Variants in IQGAP2 observed in about 807,000 individuals in gnomAD.
IQGAP2 encodes IQ motif containing GTPase activating protein 2, also known as ras GTPase-activating-like protein IQGAP2.
In IQGAP2, 173 loss-of-function variants were observed where a neutral mutation model predicts 201.3. The ratio of observed to expected loss-of-function variants is 0.86; its 90% CI spans 0.76 to 0.98. The LOEUF (loss-of-function observed/expected upper bound fraction) is 0.98. Ranked by LOEUF, IQGAP2 falls within the 50% of genes least tolerant of loss-of-function variation. The pLI is 0.00. For missense variants in IQGAP2, 1,687 were observed against 1,864.8 expected (o/e 0.90, Z 1.76); for synonymous variants, 675 against 673.9 (o/e 1.00, Z -0.03).
At position 76,451,804 on chromosome 5, in the gene IQGAP2, G is replaced by A. The variant is rs148106713; in HGVS notation, c.47-9766G>A. 8.0e-3 allele frequency among the ~76,000 whole-genome samples: 1,212 copies of A among 152,332 alleles called. 14 individuals carry two copies. Among genetic ancestry groups the A allele is most frequent in the Non-Finnish European group, 0.013 (895 of 68,034 alleles). ...AATCTGAGCACTTTGGGAGGCCAAGGCAGGCAGATCACTTGCGGCCAGGAG... is the reference window on the plus strand; with the variant it reads ...AATCTGAGCACTTTGGGAGGCCAAGACAGGCAGATCACTTGCGGCCAGGAG... On this transcript the variant is annotated intron_variant, in intron 1 of 35. Coordinates refer to ENST00000274364, the MANE Select transcript of IQGAP2 (RefSeq NM_006633.5).
intron 1 of IQGAP2, among the ~76,000 whole-genome samples, chr5:76,450,436 C>G (rs988514306): frequency 6.6e-6 from 1 of 152,186 alleles, no homozygotes; most frequent in African/African-American, 2.4e-5. Flanking sequence ...TAAATACACA[C>G]CAACTCTATA....
intron 1 of IQGAP2, among the ~76,000 whole-genome samples, chr5:76,429,751 A>T (rs183839784): frequency 6.6e-6 from 1 of 151,516 alleles, no homozygotes; most frequent in Non-Finnish European, 1.5e-5. Flanking sequence ...ACATCAATCT[A>T]TGAAAGTCTT....
chr5:76,631,349 C>T (rs2150383688), intron 14 of IQGAP2, among the ~76,000 whole-genome samples: 1 of 152,250 alleles, frequency 6.6e-6, no homozygotes, highest in South Asian at 2.1e-4. Context: ...GACTCCGTTG[C>T]ACATATCCAC....
intron 1 of IQGAP2, among the ~76,000 whole-genome samples, chr5:76,405,180 C>G (rs551891320): frequency 4.6e-5 from 7 of 152,352 alleles, no homozygotes; most frequent in African/African-American, 1.7e-4. Flanking sequence ...GAATGTGGTA[C>G]ATGAATGCAG....
chr5:76,501,657 T>TTTTTTTTTTA (rs1554062080), intron 2 of IQGAP2, among the ~76,000 whole-genome samples: 1 of 146,860 alleles, frequency 6.8e-6, no homozygotes, highest in Non-Finnish European at 1.5e-5. Context: ...TTTTTTTTTT[T>TTTTTTTTTTA]CCTTGAGACA....
At chr5:76,527,765 T>A (rs1250541198) in intron 2 of IQGAP2, among the ~76,000 whole-genome samples, 2 of 152,156 alleles carry the variant, frequency 1.3e-5, no homozygotes, top group Non-Finnish European at 2.9e-5. Flanking sequence ...AGGGAAGAAA[T>A]GTCTTATCTG....
At chr5:76,488,104 G>T (rs1756283649) in intron 2 of IQGAP2, among the ~76,000 whole-genome samples, 2 of 152,226 alleles carry the variant, frequency 1.3e-5, no homozygotes, top group Admixed American at 1.3e-4. Context: ...TCATAGGACT[G>T]CTGTGAGCAC....
chr5:76,409,473 C>T (rs1365967473), intron 1 of IQGAP2, among the ~76,000 whole-genome samples: 1 of 152,024 alleles, frequency 6.6e-6, no homozygotes, highest in East Asian at 1.9e-4. Context: ...TCTCGAACTC[C>T]TGAGCTCAAA....
At chr5:76,589,311 CAAAAAAAA>C (rs35291690) in intron 6 of IQGAP2, among the ~76,000 whole-genome samples, 4 of 106,806 alleles carry the variant, frequency 3.7e-5, no homozygotes, top group Non-Finnish European at 1.9e-5. Flanking sequence ...GACTCTGCCT[CAAAAAAAA>C]AAAAAAAAAA....
chr5:76,460,154 T>C (rs1754352206), intron 1 of IQGAP2, among the ~76,000 whole-genome samples: 1 of 152,128 alleles, frequency 6.6e-6, no homozygotes, highest in Admixed American at 6.5e-5. Flanking sequence ...TGGGGGGCTT[T>C]TCTGATGAGT....
At chr5:76,658,430 T>C (rs746140940) in intron 20 of IQGAP2, 29 bp from the exon 21 acceptor site, 2 of 1,549,214 alleles carry the variant, frequency 1.3e-6, no homozygotes, top group African/African-American at 1.4e-5. Context: ...GCTTTCCTAA[T>C]TAAAGTATAC....
rs1186832045 is a variant in IQGAP2, at chr5:76,699,903, T to TTC, written c.4368-1134_4368-1133dup. Among the ~76,000 whole-genome samples the TTC allele has an allele frequency of 3.2e-3, 23 of 7,090 alleles. 2 individuals are homozygous for TTC. Among genetic ancestry groups the TTC allele is most frequent in the Non-Finnish European group, 4.8e-3 (19 of 3,972 alleles). The allele number at this position is 7,090 out of a possible 152,430, so 4.7% of individuals were successfully genotyped here. On this transcript the variant is annotated intron_variant, in intron 33 of 35. Coordinates refer to ENST00000274364, the MANE Select transcript of IQGAP2 (RefSeq NM_006633.5). The stretch of plus-strand genomic sequence containing the variant: ...TCATTTGCTTCAGGCTTCTTTCTGT[T>TTC]TCTCTCTCTCTCTCTCTCTCTCTCT...
At chr5:76,511,124 C>CCCTAT (rs1757933582) in intron 2 of IQGAP2, among the ~76,000 whole-genome samples, 1 of 152,196 alleles carries the variant, frequency 6.6e-6, no homozygotes, top group South Asian at 2.1e-4. Flanking sequence ...ATTATATGGA[C>CCCTAT]TACATTCTGC....
At chr5:76,563,135 TAGG>T (rs2150255980) in intron 3 of IQGAP2, among the ~76,000 whole-genome samples, 1 of 152,186 alleles carries the variant, frequency 6.6e-6, no homozygotes, top group Non-Finnish European at 1.5e-5. Context: ...GAGGCCAAGG[TAGG>T]AGGATTGCTT....
chr5:76,557,974 T>A (rs1744065718), intron 2 of IQGAP2, among the ~76,000 whole-genome samples: 1 of 152,090 alleles, frequency 6.6e-6, no homozygotes, highest in South Asian at 2.1e-4. Context: ...GCCTGGCTAA[T>A]TTTTGTCTTT....
chr5:76,695,489 A>G lies in IQGAP2; in HGVS notation c.4029A>G (p.Ala1343=). The change falls in exon 32 of 36, where the codon GCA becomes GCG. Residue 1343 remains alanine (A), a synonymous_variant. Coordinates refer to ENST00000274364, the MANE Select transcript of IQGAP2 (RefSeq NM_006633.5). ...ATGCCACGGACATGGTGAGCCGTGC[A>G]ATGATAGATTCCAGGACTCCAGAAG... ...VDHATDMVSR[A]MIDSRTPEEM... 12 of 1,614,178 alleles carry G rather than the reference A, an allele frequency of 7.4e-6. No homozygotes were observed. Among genetic ancestry groups the G allele is most frequent in the South Asian group, 1.1e-5 (1 of 91,082 alleles).
At chr5:76,667,485 A>T (rs1743885924) in intron 22 of IQGAP2, among the ~76,000 whole-genome samples, 1 of 152,170 alleles carries the variant, frequency 6.6e-6, no homozygotes, top group African/African-American at 2.4e-5. Flanking sequence ...TTCCTCTATA[A>T]CCTGAACATT....
chr5:76,561,533 G>A (rs994696210), intron 2 of IQGAP2, among the ~76,000 whole-genome samples: 4 of 152,152 alleles, frequency 2.6e-5, no homozygotes, highest in African/African-American at 9.7e-5. Context: ...TGGGTGGCAG[G>A]GAGGCTGGGG....
intron 3 of IQGAP2, among the ~76,000 whole-genome samples, chr5:76,565,647 C>G (rs1014814387): frequency 1.3e-5 from 2 of 152,098 alleles, no homozygotes; most frequent in African/African-American, 4.8e-5. Flanking sequence ...TGCCCCATCC[C>G]CAGCAAATGG....
Sources: gnomAD v4.1 joint callset for allele counts (sites outside exome capture counted in the v4.1 genomes callset) on GRCh38, gnomAD v4.1.1 for gene constraint, MANE v1.5 for transcripts, NCBI Gene and HGNC (gene_info 2026-07-23, HGNC 2026-07-21) for gene names.